SLCO1B3: variants seen among roughly 807,000 people sequenced by gnomAD.
SLCO1B3 encodes the protein solute carrier organic anion transporter family member 1B3, also known as liver-specific organic anion transporter 2.
A neutral mutation model predicts 71.8 loss-of-function variants in SLCO1B3; 72 were observed. The ratio of observed to expected loss-of-function variants is 1.00; its 90% CI spans 0.83 to 1.22. The LOEUF is 1.22. SLCO1B3 is among the 50% of genes most tolerant of loss of function. The pLI, the probability that SLCO1B3 is intolerant of heterozygous loss-of-function variation, is 0.00. For missense variants in SLCO1B3, 911 were observed against 819.7 expected (o/e 1.11, Z -1.36); for synonymous variants, 298 against 278.4 (o/e 1.07, Z -0.70).
intron 3 of SLCO1B3, among the ~76,000 whole-genome samples, chr12:20,822,194 T>C (rs1482905531): frequency 6.6e-6 from 1 of 152,162 alleles, no homozygotes; most frequent in African/African-American, 2.4e-5. Flanking sequence ...ATTTCATGTG[T>C]GTCCATGTGA....
At chr12:20,904,638 C>A (rs1866199258) in intron 15 of SLCO1B3, among the ~76,000 whole-genome samples, 1 of 151,954 alleles carries the variant, frequency 6.6e-6, no homozygotes, top group African/African-American at 2.4e-5. Context: ...CTAGGTAGTG[C>A]CTCAATGGGA....
intron 1 of SLCO1B3, among the ~76,000 whole-genome samples, chr12:20,811,989 C>T (rs1354082927): frequency 6.7e-6 from 1 of 149,950 alleles, no homozygotes; most frequent in African/African-American, 2.5e-5. Context: ...CTCACCACAA[C>T]CTCAGCCTCC....
At chr12:20,853,088 C>G (rs1865055753) in intron 3 of SLCO1B3, among the ~76,000 whole-genome samples, 1 of 151,914 alleles carries the variant, frequency 6.6e-6, no homozygotes, top group Non-Finnish European at 1.5e-5. Flanking sequence ...TATGTTAAAC[C>G]ATCCTTGTAT....
intron 13 of SLCO1B3, among the ~76,000 whole-genome samples, chr12:20,897,267 T>C (rs1218828165): frequency 1.3e-5 from 2 of 152,246 alleles, no homozygotes; most frequent in African/African-American, 4.8e-5. Context: ...TAACTTTCAA[T>C]GTATTATGTT....
intron 5 of SLCO1B3, among the ~76,000 whole-genome samples, chr12:20,860,599 T>G (rs2417944): frequency 0.47 from 68,385 of 146,538 alleles, 18,015 homozygotes; most frequent in South Asian, 0.65. Context: ...GTCAAGCACT[T>G]TGTGTGTGTG....
chr12:20,855,225 T>C (rs1168585723), intron 4 of SLCO1B3, 56 bp downstream of exon 4: 1 of 1,416,906 alleles, frequency 7.1e-7, no homozygotes, highest in Non-Finnish European at 9.8e-7. Context: ...AAAAACAAAC[T>C]GTTCATGCAT....
At chr12:20,832,228 C>T (rs1380995004) in intron 3 of SLCO1B3, among the ~76,000 whole-genome samples, 5 of 152,098 alleles carry the variant, frequency 3.3e-5, no homozygotes, top group African/African-American at 7.2e-5. Flanking sequence ...CACTAATACA[C>T]GTTGTTACTG....
chr12:20,841,149 C>T lies in SLCO1B3; in HGVS notation c.85-13879C>T, dbSNP rs1344948192. On this transcript the variant is annotated intron_variant, in intron 3 of 15. Coordinates refer to ENST00000381545, the MANE Select transcript of SLCO1B3 (RefSeq NM_019844.4). ...TGTTATGAGTTTCTGCTCCAGGAAG[C>T]TGTTACTCCTTATATTTACTTTGTC... Among the ~76,000 whole-genome samples the T allele has an allele frequency of 2.0e-5, 3 of 152,034 alleles. No individual in the cohort carries two copies. The South Asian group carries it at 6.2e-4, about 32-fold the overall frequency.
chr12:20,862,314 A>G, intron 6 of SLCO1B3, 98 bp from the exon 7 acceptor site: 4 of 1,360,260 alleles, frequency 2.9e-6, no homozygotes, highest in Non-Finnish European at 2.0e-6. Context: ...GGAAACAAAC[A>G]AACAAAAAAT....
chr12:20,884,524 T>G (rs1565602016), intron 13 of SLCO1B3, among the ~76,000 whole-genome samples: 1 of 152,032 alleles, frequency 6.6e-6, no homozygotes, highest in Non-Finnish European at 1.5e-5. Context: ...GAAGCCAGTT[T>G]ATTGGAACAC....
intron 3 of SLCO1B3, among the ~76,000 whole-genome samples, chr12:20,840,361 T>G (rs936003369): frequency 1.3e-5 from 2 of 151,626 alleles, no homozygotes; most frequent in Non-Finnish European, 2.9e-5. Context: ...CCTCTGACTC[T>G]GGACCATAAA....
chr12:20,830,414 G>A (rs1864515422), intron 3 of SLCO1B3, among the ~76,000 whole-genome samples: 1 of 152,100 alleles, frequency 6.6e-6, no homozygotes, highest in Admixed American at 6.5e-5. Flanking sequence ...AGAGGTGAGG[G>A]TATGTTCACA....
intron 3 of SLCO1B3, among the ~76,000 whole-genome samples, chr12:20,838,878 T>A (rs1408817917): frequency 6.6e-6 from 1 of 152,042 alleles, no homozygotes; most frequent in Non-Finnish European, 1.5e-5. Context: ...TATTCCACTC[T>A]TTTTGTGCTT....
intron 3 of SLCO1B3, among the ~76,000 whole-genome samples, chr12:20,817,822 C>T (rs369650855): frequency 1.3e-5 from 2 of 152,098 alleles, no homozygotes; most frequent in Admixed American, 6.5e-5. Context: ...GATCTCCTGA[C>T]CTCGTGATCC....
At chr12:20,900,927 C>T (rs1164882641) in intron 14 of SLCO1B3, among the ~76,000 whole-genome samples, 1 of 152,150 alleles carries the variant, frequency 6.6e-6, no homozygotes. Flanking sequence ...TAGATGAGAG[C>T]TTTTCCTTTT....
At chr12:20,897,337 A>G (rs1205341991) in intron 13 of SLCO1B3, among the ~76,000 whole-genome samples, 1 of 152,224 alleles carries the variant, frequency 6.6e-6, no homozygotes, top group Non-Finnish European at 1.5e-5. Context: ...TCAGAATCTC[A>G]ATAAATGGCA....
intron 3 of SLCO1B3, among the ~76,000 whole-genome samples, chr12:20,843,560 C>CACA (rs1356921466): frequency 1.3e-5 from 2 of 152,062 alleles, no homozygotes; most frequent in Non-Finnish European, 2.9e-5. Context: ...GTGGGTGGAT[C>CACA]ACAAGATCAG....
intron 5 of SLCO1B3, among the ~76,000 whole-genome samples, chr12:20,860,596 A>C (rs554588804): frequency 8.6e-6 from 1 of 116,804 alleles, no homozygotes; most frequent in Non-Finnish European, 1.8e-5. Flanking sequence ...AAAGTCAAGC[A>C]CTTTGTGTGT....
intron 15 of SLCO1B3, among the ~76,000 whole-genome samples, chr12:20,909,633 A>G (rs1482344119): frequency 6.6e-6 from 1 of 151,922 alleles, no homozygotes; most frequent in African/African-American, 2.4e-5. Context: ...TTTTGAAAAT[A>G]TTTTCTCTCA....
Sources: gnomAD v4.1 joint callset for allele counts (sites outside exome capture counted in the v4.1 genomes callset) on GRCh38, gnomAD v4.1.1 for gene constraint, MANE v1.5 for transcripts, NCBI Gene and HGNC (gene_info 2026-07-23, HGNC 2026-07-21) for gene names.